NEGR1: variants seen among roughly 807,000 people sequenced by gnomAD.
NEGR1 encodes neuronal growth regulator 1, also known as IgLON family member 4.
A neutral mutation model predicts 40.9 loss-of-function variants in NEGR1; 10 were observed. The ratio of observed to expected loss-of-function variants is 0.24; its 90% CI spans 0.15 to 0.42. The LOEUF is 0.42. Ranked by LOEUF, NEGR1 falls within the 10% of genes least tolerant of loss-of-function variation. The pLI, the probability that NEGR1 is intolerant of heterozygous loss-of-function variation, is 1.00. For synonymous variants in NEGR1, 185 were observed against 166.8 expected (o/e 1.11, Z -0.84); for missense variants, 352 against 438.9 (o/e 0.80, Z 1.77).
intron 1 of NEGR1, among the ~76,000 whole-genome samples, chr1:72,029,349 A>G (rs995334663): frequency 3.3e-5 from 5 of 152,114 alleles, no homozygotes; most frequent in African/African-American, 4.8e-5. Context: ...AAGAAAGAAA[A>G]GGGAAGAAAC....
chr1:72,269,765 ATATC>A (rs1175513668), intron 1 of NEGR1, among the ~76,000 whole-genome samples: 3 of 151,584 alleles, frequency 2.0e-5, no homozygotes, highest in African/African-American at 7.3e-5. Context: ...TTTTTTCAGA[ATATC>A]TATAGTAGTT....
chr1:71,832,819 A>C (rs1658884789), intron 2 of NEGR1, among the ~76,000 whole-genome samples: 1 of 152,058 alleles, frequency 6.6e-6, no homozygotes, highest in Non-Finnish European at 1.5e-5. Flanking sequence ...ATCATGGAGA[A>C]TTTCAAACAG....
intron 2 of NEGR1, among the ~76,000 whole-genome samples, chr1:71,929,978 G>C (rs1269450740): frequency 6.6e-6 from 1 of 152,086 alleles, no homozygotes; most frequent in Non-Finnish European, 1.5e-5. Context: ...TCATTGGTAA[G>C]TATAACTTTG....
intron 2 of NEGR1, among the ~76,000 whole-genome samples, chr1:71,792,706 C>T (rs1370642381): frequency 6.6e-6 from 1 of 152,028 alleles, no homozygotes; most frequent in African/African-American, 2.4e-5. Flanking sequence ...CAATACTGTG[C>T]TAGGATTTTA....
chr1:71,577,059 TCTAA>T (rs764875083), intron 6 of NEGR1, among the ~76,000 whole-genome samples: 1 of 152,206 alleles, frequency 6.6e-6, no homozygotes, highest in Non-Finnish European at 1.5e-5. Context: ...TGTTTCTAAT[TCTAA>T]CTAACACAGA....
At chr1:71,906,700 C>T (rs1053693487) in intron 2 of NEGR1, among the ~76,000 whole-genome samples, 29 of 152,126 alleles carry the variant, frequency 1.9e-4, no homozygotes, top group South Asian at 6.2e-4. Context: ...ATTCACTAGA[C>T]GCATATGTCC....
intron 3 of NEGR1, among the ~76,000 whole-genome samples, chr1:71,744,342 AAATAATAATAATAAT>A (rs3077144): frequency 1.3e-4 from 18 of 141,186 alleles, no homozygotes; most frequent in Non-Finnish European, 2.1e-4. Context: ...AGTACTCTGT[AAATAATAATAATAAT>A]AATAATAATA....
chr1:71,887,013 G>C (rs1400128544), intron 2 of NEGR1, among the ~76,000 whole-genome samples: 2 of 152,136 alleles, frequency 1.3e-5, no homozygotes, highest in East Asian at 3.8e-4. Context: ...ACTATTAATA[G>C]CCTACTGCTG....
chr1:71,894,658 C>G (rs190763596), intron 2 of NEGR1, among the ~76,000 whole-genome samples: 504 of 152,344 alleles, frequency 3.3e-3, no homozygotes, highest in African/African-American at 0.011. Flanking sequence ...ACAGGTTTAA[C>G]TTGCTAACTT....
intron 2 of NEGR1, among the ~76,000 whole-genome samples, chr1:71,807,563 T>C (rs1657823059): frequency 1.3e-5 from 2 of 152,196 alleles, no homozygotes. Context: ...TGGAAATTGT[T>C]CATGCTTAAT....
intron 1 of NEGR1, among the ~76,000 whole-genome samples, chr1:72,120,114 T>C (rs555489098): frequency 1.4e-4 from 22 of 152,092 alleles, no homozygotes; most frequent in African/African-American, 5.1e-4. Context: ...ATTTTCAGAA[T>C]AGTATTGATA....
At chr1:72,160,419 A>G (rs1651510005) in intron 1 of NEGR1, among the ~76,000 whole-genome samples, 1 of 152,146 alleles carries the variant, frequency 6.6e-6, no homozygotes, top group Non-Finnish European at 1.5e-5. Context: ...ATATGCAACT[A>G]TTAGAATTAC....
chr1:72,038,835 A>G (rs1410030482), intron 1 of NEGR1, among the ~76,000 whole-genome samples: 1 of 152,062 alleles, frequency 6.6e-6, no homozygotes, highest in Non-Finnish European at 1.5e-5. Context: ...AGACACTGAT[A>G]GGTTCTTAAG....
At chr1:72,167,501 A>G (rs2100387414) in intron 1 of NEGR1, among the ~76,000 whole-genome samples, 1 of 152,268 alleles carries the variant, frequency 6.6e-6, no homozygotes, top group South Asian at 2.1e-4. Flanking sequence ...AAACAAAGAA[A>G]TCATATATAG....
At chr1:71,685,618 A>C (rs1341976991) in intron 4 of NEGR1, among the ~76,000 whole-genome samples, 3 of 152,060 alleles carry the variant, frequency 2.0e-5, no homozygotes, top group African/African-American at 7.2e-5. Flanking sequence ...CCGCAGGCCG[A>C]GGTTACTTTT....
At chr1:71,440,307 AT>A (rs1298770200) in intron 6 of NEGR1, among the ~76,000 whole-genome samples, 1 of 152,146 alleles carries the variant, frequency 6.6e-6, no homozygotes, top group African/African-American at 2.4e-5. Context: ...CATTGATTCA[AT>A]TTACTTGTCC....
In NEGR1 at chr1:71,404,048, C is replaced by A. The variant is rs1450599600; in HGVS notation, c.*3398G>T. The A allele has an allele frequency of 3.2e-6, 1 of 311,918 alleles. No individual in the cohort carries two copies. Among genetic ancestry groups the A allele is most frequent in the Non-Finnish European group, 5.9e-6 (1 of 169,484 alleles). 19.3% of individuals were successfully genotyped at this position (311,918 alleles called of 1,614,324 possible). On this transcript the variant is annotated 3_prime_UTR_variant, in exon 7 of 7. Transcript: ENST00000357731. ...TTTGGCTGTGTCACAAAGCTAAGCA[C>A]AATGGATAAATTAACAATTGTTCAG...
intron 4 of NEGR1, among the ~76,000 whole-genome samples, chr1:71,620,740 C>T (rs920977893): frequency 7.9e-5 from 12 of 151,880 alleles, no homozygotes; most frequent in Non-Finnish European, 1.2e-4. Context: ...TCAGCATTCA[C>T]AGGGGATGAA....
At chr1:71,943,674 A>T (rs1231505772) in intron 1 of NEGR1, among the ~76,000 whole-genome samples, 1 of 152,184 alleles carries the variant, frequency 6.6e-6, no homozygotes, top group East Asian at 1.9e-4. Context: ...CTTGTACATT[A>T]TGATTAAAGA....
Sources: gnomAD v4.1 joint callset for allele counts (sites outside exome capture counted in the v4.1 genomes callset) on GRCh38, gnomAD v4.1.1 for gene constraint, MANE v1.5 for transcripts, NCBI Gene and HGNC (gene_info 2026-07-23, HGNC 2026-07-21) for gene names.